Variants in DPYD observed in about 807,000 individuals in gnomAD.
DPYD encodes the protein dihydropyrimidine dehydrogenase.
Under a neutral mutation model 116.2 loss-of-function variants are expected in DPYD, and 109 were observed. The observed-to-expected ratio is 0.94, with a 90% CI of 0.80 to 1.10. The LOEUF (loss-of-function observed/expected upper bound fraction) is 1.10, where lower values mean the gene tolerates loss of function less well. Among genes scored for constraint, DPYD ranks in the 50% least tolerant of loss-of-function variants. DPYD has a pLI of 0.00. For synonymous variants in DPYD, 440 were observed against 432.0 expected, an observed-to-expected ratio of 1.02 and a Z score of -0.23; for missense variants, 1,302 against 1,254.5, an observed-to-expected ratio of 1.04 and a Z score of -0.57.
chr1:97,448,081 G>A (rs905765103), intron 14 of DPYD, among the ~76,000 whole-genome samples: 13 of 151,938 alleles, frequency 8.6e-5, no homozygotes, highest in African/African-American at 2.2e-4. Flanking sequence ...ACAATTAGCC[G>A]GGCATGGTGG....
At chr1:97,225,819 G>A (rs565067977) in intron 19 of DPYD, among the ~76,000 whole-genome samples, 1 of 151,894 alleles carries the variant, frequency 6.6e-6, no homozygotes, top group African/African-American at 2.4e-5. Context: ...TTTCCCCTGT[G>A]TTTTCTTCCA....
intron 2 of DPYD, among the ~76,000 whole-genome samples, chr1:97,842,285 A>C (rs1670076511): frequency 6.6e-6 from 1 of 152,012 alleles, no homozygotes; most frequent in South Asian, 2.1e-4. Flanking sequence ...TATCCTTGTT[A>C]GAATAATTAA....
chr1:97,757,887 T>C (rs1665337281), intron 3 of DPYD, among the ~76,000 whole-genome samples: 1 of 152,176 alleles, frequency 6.6e-6, no homozygotes, highest in Non-Finnish European at 1.5e-5. Context: ...ATGATCATTA[T>C]TTTCTACATA....
chr1:97,323,274 G>GTA (rs1668425177), intron 16 of DPYD, among the ~76,000 whole-genome samples: 9 of 144,224 alleles, frequency 6.2e-5, no homozygotes, highest in African/African-American at 2.4e-4. Flanking sequence ...ATGTGTATAT[G>GTA]TACACGTATA....
At chr1:97,588,290 T>C (rs1360398439) in intron 10 of DPYD, among the ~76,000 whole-genome samples, 3 of 152,160 alleles carry the variant, frequency 2.0e-5, no homozygotes, top group African/African-American at 7.2e-5. Flanking sequence ...GAATTAAAGA[T>C]CAATCGTGTT....
chr1:97,653,084 T>A (rs1658686432), intron 8 of DPYD, among the ~76,000 whole-genome samples: 1 of 152,184 alleles, frequency 6.6e-6, no homozygotes, highest in Admixed American at 6.5e-5. Flanking sequence ...TTTATCTATC[T>A]TCTCTGTCCT....
At chr1:97,396,757 T>C (rs1366871651) in intron 14 of DPYD, among the ~76,000 whole-genome samples, 1 of 152,014 alleles carries the variant, frequency 6.6e-6, no homozygotes, top group Non-Finnish European at 1.5e-5. Context: ...TAGATGTCCA[T>C]TCTTTTCCTC....
chr1:97,637,458 A>ACC (rs151109186), intron 8 of DPYD, among the ~76,000 whole-genome samples: 2 of 151,110 alleles, frequency 1.3e-5, no homozygotes, highest in African/African-American at 4.9e-5. Flanking sequence ...TATTTTATAG[A>ACC]CCCCCCAGAC....
At chr1:97,514,198 C>T in intron 13 of DPYD, 1 of 984,814 alleles carries the variant, frequency 1.0e-6, no homozygotes, top group Non-Finnish European at 1.2e-6. Context: ...GCTGGTGATC[C>T]TAATAAAGGC....
chr1:97,830,173 A>C (rs1212626297), intron 2 of DPYD, among the ~76,000 whole-genome samples: 1 of 152,136 alleles, frequency 6.6e-6, no homozygotes, highest in Admixed American at 6.5e-5. Flanking sequence ...GCTGGTTCCA[A>C]GTCTTTGCCA....
At chr1:97,127,859 T>C (rs766633612) in intron 20 of DPYD, among the ~76,000 whole-genome samples, 6 of 152,292 alleles carry the variant, frequency 3.9e-5, no homozygotes, top group Admixed American at 2.6e-4. Context: ...TCTTGGATTA[T>C]GGGAAGAGTA....
intron 12 of DPYD, among the ~76,000 whole-genome samples, chr1:97,532,831 T>C (rs1465289452): frequency 6.6e-6 from 1 of 152,012 alleles, no homozygotes; most frequent in South Asian, 2.1e-4. Flanking sequence ...TTTTGTTCTA[T>C]TGTATTTTTA....
intron 20 of DPYD, among the ~76,000 whole-genome samples, chr1:97,109,596 C>G (rs912536580): frequency 6.6e-6 from 1 of 152,042 alleles, no homozygotes; most frequent in African/African-American, 2.4e-5. Flanking sequence ...TGGAGCAAGA[C>G]TAGGTTAATC....
At chr1:97,259,907 C>A (rs888998559) in intron 18 of DPYD, among the ~76,000 whole-genome samples, 2 of 152,072 alleles carry the variant, frequency 1.3e-5, no homozygotes, top group Non-Finnish European at 2.9e-5. Context: ...CATAAAGTTA[C>A]CTTTCACCAC....
chr1:97,220,155 G>C (rs1364668842), intron 19 of DPYD, among the ~76,000 whole-genome samples: 1 of 152,056 alleles, frequency 6.6e-6, no homozygotes, highest in Non-Finnish European at 1.5e-5. Flanking sequence ...GAGGTGATTG[G>C]ATCATGACAG....
At chr1:97,731,446 G>A (rs543668961) in intron 4 of DPYD, among the ~76,000 whole-genome samples, 1 of 152,052 alleles carries the variant, frequency 6.6e-6, no homozygotes, top group South Asian at 2.1e-4. Flanking sequence ...TCTTTAACAT[G>A]AAGTCTATTA....
intron 13 of DPYD, among the ~76,000 whole-genome samples, chr1:97,513,677 C>T (rs1013088784): frequency 2.6e-5 from 4 of 151,728 alleles, no homozygotes; most frequent in East Asian, 1.9e-4. Flanking sequence ...TTTTAATAGA[C>T]GTCTTTAGTA....
chr1:97,513,835 G>C (rs1295985335), intron 13 of DPYD, among the ~76,000 whole-genome samples: 1 of 151,592 alleles, frequency 6.6e-6, no homozygotes, highest in Admixed American at 6.6e-5. Context: ...ACCAGATAAG[G>C]AAACAAAAAA....
intron 20 of DPYD, among the ~76,000 whole-genome samples, chr1:97,156,775 C>G (rs1208648348): frequency 6.6e-6 from 1 of 151,802 alleles, no homozygotes; most frequent in African/African-American, 2.4e-5. Context: ...GGGTATATAC[C>G]CAAAGGACTA....
Sources: gnomAD v4.1 joint callset for allele counts (sites outside exome capture counted in the v4.1 genomes callset) on GRCh38, gnomAD v4.1.1 for gene constraint, MANE v1.5 for transcripts, NCBI Gene and HGNC (gene_info 2026-07-23, HGNC 2026-07-21) for gene names.